Variants in FAM118B observed in about 807,000 individuals in gnomAD.
FAM118B encodes protein FAM118B.
FAM118B carries 24 observed loss-of-function variants against 38.5 expected under a neutral mutation model. That is an observed-to-expected ratio of 0.62 (90% CI 0.45 to 0.88). The LOEUF (loss-of-function observed/expected upper bound fraction) is 0.88, where lower values mean the gene tolerates loss of function less well. Ranked by LOEUF, FAM118B falls within the 40% of genes least tolerant of loss-of-function variation. FAM118B has a pLI of 0.00. For missense variants in FAM118B, 334 were observed against 420.0 expected (o/e 0.80, Z 1.79); for synonymous variants, 138 against 156.3 (o/e 0.88, Z 0.87).
intron 3 of FAM118B, among the ~76,000 whole-genome samples, chr11:126,238,130 G>A (rs1327908953): frequency 3.3e-5 from 5 of 152,160 alleles, no homozygotes; most frequent in Admixed American, 1.3e-4. Flanking sequence ...GGGAGGCCAA[G>A]GCAGGCGGAT....
In FAM118B at chr11:126,250,830, C is replaced by T; in HGVS notation, c.567+97C>T. On this transcript the variant is annotated intron_variant, in intron 5 of 8. Coordinates refer to ENST00000533050, the MANE Select transcript of FAM118B (RefSeq NM_024556.4). This position sits in a 1 kb window ranked among gnomAD's most constrained non-coding sequence, Gnocchi z 5.1. Reference sequence around the variant, plus strand: ...TTGGTATATTGGTATTTATGTAGAGCTAGAAAGGAAAAATTTTTTCCCTGG... The same window carrying T: ...TTGGTATATTGGTATTTATGTAGAGTTAGAAAGGAAAAATTTTTTCCCTGG... 1.0e-6 allele frequency: 1 copy of T among 957,528 alleles called. No individual in the cohort carries two copies. Among genetic ancestry groups the T allele is most frequent in the South Asian group, 1.9e-5 (1 of 53,270 alleles). 59.3% of individuals were successfully genotyped at this position (957,528 alleles called of 1,614,324 possible).
chr11:126,262,014 T>C (rs1950711306), intron 8 of FAM118B, 106 bp from the exon 9 acceptor site: 4 of 1,009,058 alleles, frequency 4.0e-6, no homozygotes, highest in African/African-American at 1.6e-5. Flanking sequence ...TAGAATCTCC[T>C]GTCTTGCCTT....
At chr11:126,260,455 C>T (rs1261212491) in intron 7 of FAM118B, 2 of 150,808 alleles carry the variant, frequency 1.3e-5, no homozygotes, top group Non-Finnish European at 3.0e-5. Context: ...TTTCCCACAT[C>T]CCTATCTTCA....
chr11:126,251,288 G>C (rs1038532381), intron 5 of FAM118B, among the ~76,000 whole-genome samples: 3 of 152,164 alleles, frequency 2.0e-5, no homozygotes, highest in African/African-American at 7.2e-5. Flanking sequence ...AAGTCTCATT[G>C]GTCCTACTCT....
intron 7 of FAM118B, among the ~76,000 whole-genome samples, chr11:126,257,519 A>G (rs772388918): frequency 4.0e-5 from 6 of 148,278 alleles, no homozygotes; most frequent in Non-Finnish European, 8.9e-5. Flanking sequence ...TCATTGCCAT[A>G]AAAAAAAAAG....
chr11:126,239,554 G>T (rs1362918840), intron 3 of FAM118B, among the ~76,000 whole-genome samples: 2 of 152,114 alleles, frequency 1.3e-5, no homozygotes, highest in Admixed American at 1.3e-4. Flanking sequence ...GATCTTTCAA[G>T]ATCAGGGACT....
At position 126,252,908 on chromosome 11, in the gene FAM118B, G is replaced by A. The variant is rs956581861; in HGVS notation, c.568-1397G>A. Among the ~76,000 whole-genome samples the A allele has an allele frequency of 1.1e-4, 16 of 152,226 alleles. No homozygotes were observed. The highest frequency in any genetic ancestry group is 3.4e-3 in the Middle Eastern group (1 of 294). On this transcript the variant is annotated intron_variant, in intron 5 of 8. Transcript: ENST00000533050. The surrounding 1 kb of genome is among the most constrained non-coding windows in gnomAD (Gnocchi z 4.7). ...AAACTAGCTGGGAGTGGTGGTGCAC[G>A]CCTGTAATCCCAGTTACTTGGGAGG...
intron 2 of FAM118B, among the ~76,000 whole-genome samples, chr11:126,232,666 A>G (rs990113460): frequency 1.3e-5 from 2 of 151,942 alleles, no homozygotes; most frequent in African/African-American, 4.8e-5. Flanking sequence ...CAACTTAAAA[A>G]ATATATTTTT....
At position 126,240,846 on chromosome 11, in the gene FAM118B, T is replaced by G. The variant is rs760438438; in HGVS notation, c.141T>G (p.Ile47Met). ...TKKPRELVLV[I>M]GTGISAAVAP... is the part of the protein sequence containing the mutation. ...AGCCTCGAGAACTTGTGCTAGTGAT[T>G]GGAACAGGCATTAGTGCTGCAGTTG... Residue 47 changes from isoleucine (I) to methionine (M), a missense_variant, in exon 4 of 9, where the codon ATT becomes ATG. Ile to Met is a conservative substitution (Grantham distance 10, BLOSUM62 1). Transcript: ENST00000533050. 1.3e-5 allele frequency: 21 copies of G among 1,613,898 alleles called. No homozygotes were observed. The highest frequency in any genetic ancestry group is 1.7e-4 in the Middle Eastern group (1 of 6,058).
At chr11:126,224,289 G>A (rs114568516) in intron 1 of FAM118B, among the ~76,000 whole-genome samples, 385 of 151,940 alleles carry the variant, frequency 2.5e-3, no homozygotes, top group African/African-American at 8.9e-3. Flanking sequence ...CCTGAGCAAC[G>A]TGACAAAACC....
At chr11:126,225,285 G>A (rs528159205) in intron 1 of FAM118B, among the ~76,000 whole-genome samples, 1 of 152,130 alleles carries the variant, frequency 6.6e-6, no homozygotes, top group African/African-American at 2.4e-5. Flanking sequence ...GTTCTTTGAC[G>A]CAGTGAAATT....
intron 1 of FAM118B, among the ~76,000 whole-genome samples, chr11:126,221,237 T>C (rs1052580161): frequency 6.6e-6 from 1 of 152,216 alleles, no homozygotes; most frequent in African/African-American, 2.4e-5. Context: ...AAAAAGAGAA[T>C]ATCCTGAAAA....
chr11:126,234,081 C>CA (rs1387689114), intron 2 of FAM118B, among the ~76,000 whole-genome samples: 1 of 151,506 alleles, frequency 6.6e-6, no homozygotes, highest in Non-Finnish European at 1.5e-5. Flanking sequence ...GACCCAGTCT[C>CA]AAAAAAAGAA....
chr11:126,235,681 G>A (rs1352150645), intron 3 of FAM118B, among the ~76,000 whole-genome samples: 1 of 152,156 alleles, frequency 6.6e-6, no homozygotes, highest in Non-Finnish European at 1.5e-5. Context: ...ACCATGCCCA[G>A]CTAATTTTTT....
At chr11:126,236,540 C>A (rs1310248738) in intron 3 of FAM118B, among the ~76,000 whole-genome samples, 1 of 152,064 alleles carries the variant, frequency 6.6e-6, no homozygotes, top group Non-Finnish European at 1.5e-5. Flanking sequence ...TTCTCAGTAA[C>A]CTGAAATTTC....
At position 126,226,555 on chromosome 11, in the gene FAM118B, C is replaced by T. The variant is rs1015823871; in HGVS notation, c.-76-2670C>T. Among the ~76,000 whole-genome samples the T allele has an allele frequency of 2.0e-5, 3 of 152,352 alleles. No homozygotes were observed. The South Asian group carries it at 6.2e-4, about 32-fold the overall frequency. On this transcript the variant is annotated intron_variant, in intron 1 of 8. Coordinates refer to ENST00000533050, the MANE Select transcript of FAM118B (RefSeq NM_024556.4). ...TTCAGCAATTTAACAGGCCTTTTCTCTCCTTCCCCCCGGCAGGGCTGCATA... is the reference window on the plus strand; with the variant it reads ...TTCAGCAATTTAACAGGCCTTTTCTTTCCTTCCCCCCGGCAGGGCTGCATA...
In FAM118B at chr11:126,233,507, AC is replaced by A. The variant is rs535475826; in HGVS notation, c.-7-1485del. ...TCTCAAAAACAAAACAAAACAAAAA[AC>A]CCAGAAAAACCTACATGGTTGTGTT... On this transcript the variant is annotated intron_variant, in intron 2 of 8. Transcript: ENST00000533050. 108 of 259,366 alleles carry A rather than the reference AC, an allele frequency of 4.2e-4. No homozygotes were observed. In the Middle Eastern group the frequency reaches 7.6e-3, roughly 18 times the overall value. The allele number at this position is 259,366 out of a possible 1,614,324, so 16.1% of individuals were successfully genotyped here. A position where few individuals can be genotyped will look rare whatever the true frequency, so the allele number is the denominator to read the frequency against.
At chr11:126,222,268 A>G (rs1292568422) in intron 1 of FAM118B, among the ~76,000 whole-genome samples, 2 of 152,214 alleles carry the variant, frequency 1.3e-5, no homozygotes, top group Non-Finnish European at 2.9e-5. Flanking sequence ...TGTCAATGCT[A>G]TGTAGTGTTT....
At chr11:126,237,575 G>A (rs1347270352) in intron 3 of FAM118B, among the ~76,000 whole-genome samples, 5 of 137,146 alleles carry the variant, frequency 3.6e-5, no homozygotes, top group Non-Finnish European at 7.8e-5. Flanking sequence ...GGTGGCTCAC[G>A]CCTGTCATCC....
Sources: allele counts gnomAD v4.1 joint callset (sites outside exome capture counted in the v4.1 genomes callset), GRCh38; gene constraint gnomAD v4.1.1; non-coding constraint Gnocchi (gnomAD v3.1); transcripts MANE v1.5; gene names NCBI Gene and HGNC (gene_info 2026-07-23, HGNC 2026-07-21).